UST: variants seen among roughly 807,000 people sequenced by gnomAD.
UST encodes the protein uronyl 2-sulfotransferase.
In UST, 21 loss-of-function variants were observed where a neutral mutation model predicts 45.6. The ratio of observed to expected loss-of-function variants is 0.46; its 90% CI spans 0.33 to 0.66. The LOEUF is 0.66. UST is among the 30% of genes least tolerant of loss of function. UST has a pLI of 0.02. For missense variants in UST, 463 were observed against 512.4 expected (o/e 0.90, Z 0.93); for synonymous variants, 215 against 200.6 (o/e 1.07, Z -0.61).
intron 1 of UST, among the ~76,000 whole-genome samples, chr6:148,876,751 TC>T (rs1212044329): frequency 1.3e-5 from 2 of 151,910 alleles, no homozygotes; most frequent in African/African-American, 2.4e-5. Context: ...TCTTCTTTAT[TC>T]GTTTTGTTGT....
chr6:148,917,471 C>T (rs530977532), intron 2 of UST, among the ~76,000 whole-genome samples: 1 of 152,300 alleles, frequency 6.6e-6, no homozygotes, highest in South Asian at 2.1e-4. Flanking sequence ...AGCGGGGTTG[C>T]TTGGACCATT....
chr6:148,915,847 G>C (rs915026707), intron 2 of UST, among the ~76,000 whole-genome samples: 1 of 152,198 alleles, frequency 6.6e-6, no homozygotes, highest in Non-Finnish European at 1.5e-5. Context: ...GTTTGCCCAA[G>C]AAGAAGCAGG....
At chr6:148,859,344 A>G (rs1208986882) in intron 1 of UST, among the ~76,000 whole-genome samples, 4 of 151,594 alleles carry the variant, frequency 2.6e-5, no homozygotes, top group Non-Finnish European at 4.4e-5. Context: ...GGGTTGTTTG[A>G]TTTTTTTCTT....
At chr6:149,058,629 T>C (rs1478947601) in intron 7 of UST, among the ~76,000 whole-genome samples, 1 of 152,208 alleles carries the variant, frequency 6.6e-6, no homozygotes, top group Non-Finnish European at 1.5e-5. Context: ...TCACTGGGTC[T>C]GGCCTTCATA....
chr6:148,878,819 T>C (rs200764550), intron 1 of UST, among the ~76,000 whole-genome samples: 2 of 151,014 alleles, frequency 1.3e-5, no homozygotes, highest in East Asian at 3.9e-4. Context: ...TGTATGAATG[T>C]GGGGATTATG....
At chr6:148,895,741 G>T (rs1391070497) in intron 2 of UST, among the ~76,000 whole-genome samples, 1 of 152,210 alleles carries the variant, frequency 6.6e-6, no homozygotes, top group Non-Finnish European at 1.5e-5. Flanking sequence ...CATGTGAGAT[G>T]TGCCTTTCAC....
chr6:148,877,649 GTGTATGAGTGCGAGGGGTCA>G (rs1778707714), intron 1 of UST, among the ~76,000 whole-genome samples: 1 of 129,246 alleles, frequency 7.7e-6, no homozygotes, highest in East Asian at 2.7e-4. Flanking sequence ...GTGTGGGGTC[GTGTATGAGTGCGAGGGGTCA>G]TGTATGAGTG....
chr6:148,957,622 C>T (rs1780543985), intron 4 of UST, among the ~76,000 whole-genome samples: 5 of 152,108 alleles, frequency 3.3e-5, no homozygotes, highest in Admixed American at 3.3e-4. Flanking sequence ...TTAGTGGAGA[C>T]AGGGTTTCAC....
intron 1 of UST, among the ~76,000 whole-genome samples, chr6:148,828,926 A>G (rs1449761497): frequency 6.6e-6 from 1 of 152,224 alleles, no homozygotes; most frequent in Non-Finnish European, 1.5e-5. Flanking sequence ...AAGTCAGCTG[A>G]AAACAGATTT....
intron 1 of UST, among the ~76,000 whole-genome samples, chr6:148,770,062 A>G (rs1351845771): frequency 6.6e-6 from 1 of 152,034 alleles, no homozygotes; most frequent in Middle Eastern, 3.2e-3. Flanking sequence ...CCCTGCGATC[A>G]TTGGATAAGA....
At chr6:148,766,752 T>G (rs1310009638) in intron 1 of UST, among the ~76,000 whole-genome samples, 1 of 152,188 alleles carries the variant, frequency 6.6e-6, no homozygotes, top group Non-Finnish European at 1.5e-5. Flanking sequence ...AGAATACAGA[T>G]ATGTGTTCAT....
chr6:149,053,293 T>G (rs774341040), intron 7 of UST, among the ~76,000 whole-genome samples: 7 of 152,188 alleles, frequency 4.6e-5, no homozygotes, highest in Non-Finnish European at 8.8e-5. Context: ...TGAAATCAAT[T>G]TAATAGTAAT....
intron 7 of UST, among the ~76,000 whole-genome samples, chr6:149,069,502 T>C (rs1409293288): frequency 1.3e-5 from 2 of 152,092 alleles, no homozygotes; most frequent in Non-Finnish European, 2.9e-5. Context: ...GCATGTTGAG[T>C]TTTTTCATAT....
intron 1 of UST, among the ~76,000 whole-genome samples, chr6:148,833,410 C>T (rs909113491): frequency 1.3e-5 from 2 of 152,096 alleles, no homozygotes; most frequent in Non-Finnish European, 2.9e-5. Context: ...TCGCTTGAGC[C>T]CCGGAGGCAG....
At chr6:148,851,840 G>C (rs1025448777) in intron 1 of UST, among the ~76,000 whole-genome samples, 1 of 152,196 alleles carries the variant, frequency 6.6e-6, no homozygotes, top group Non-Finnish European at 1.5e-5. Context: ...TCACTGCTCC[G>C]ACAACTTAGA....
chr6:148,912,680 G>C (rs950536094), intron 2 of UST, among the ~76,000 whole-genome samples: 6 of 152,234 alleles, frequency 3.9e-5, no homozygotes, highest in Non-Finnish European at 8.8e-5. Context: ...GGAGTTGTCA[G>C]GTGTGGTAGA....
chr6:149,015,831 C>T (rs992425865), intron 5 of UST, among the ~76,000 whole-genome samples: 15 of 152,088 alleles, frequency 9.9e-5, no homozygotes, highest in African/African-American at 2.9e-4. Context: ...GAAAGGCATC[C>T]GTCAGAACAG....
chr6:148,947,173 T>C (rs1438952561), intron 3 of UST, among the ~76,000 whole-genome samples: 1 of 152,178 alleles, frequency 6.6e-6, no homozygotes, highest in Non-Finnish European at 1.5e-5. Flanking sequence ...CTGTAGACAG[T>C]GGGAAGCTAT....
At chr6:148,979,585 T>G (rs1781089604) in intron 5 of UST, among the ~76,000 whole-genome samples, 1 of 152,194 alleles carries the variant, frequency 6.6e-6, no homozygotes, top group Non-Finnish European at 1.5e-5. Context: ...TTGAGCAGTT[T>G]TCAGTCCATC....
Sources: allele counts gnomAD v4.1 joint callset (sites outside exome capture counted in the v4.1 genomes callset), GRCh38; gene constraint gnomAD v4.1.1; transcripts MANE v1.5; gene names NCBI Gene and HGNC (gene_info 2026-07-23, HGNC 2026-07-21).